Variants in ARTN observed in about 807,000 individuals in gnomAD.
ARTN encodes neublastin.
A neutral mutation model predicts 15.4 loss-of-function variants in ARTN; 9 were observed. The ratio of observed to expected loss-of-function variants is 0.58; its 90% CI spans 0.35 to 1.02. The LOEUF (loss-of-function observed/expected upper bound fraction) is 1.02, where lower values mean the gene tolerates loss of function less well. Ranked by LOEUF, ARTN falls within the 50% of genes least tolerant of loss-of-function variation. The pLI, the probability that ARTN is intolerant of heterozygous loss-of-function variation, is 0.02. For synonymous variants in ARTN, 163 were observed against 155.8 expected (o/e 1.05, Z -0.35); for missense variants, 284 against 327.9 (o/e 0.87, Z 1.03).
At chr1:43,935,460 A>C (rs2085080037) in intron 2 of ARTN, 130 bp from the exon 3 acceptor site, 3 of 598,360 alleles carry the variant, frequency 5.0e-6, no homozygotes, top group South Asian at 4.2e-5. Flanking sequence ...CCTAACACAT[A>C]GTAAGGTTCC....
rs751882712 is a variant in ARTN, at chr1:43,935,687, C to A, written c.31C>A (p.Leu11Met). ...ACTTGGACTTGGAGGCCTCTCCACG[C>A]TGTCCCACTGCCCCTGGCCTAGGCA... MELGLGGLST[L>M]SHCPWPRQQP... Residue 11 changes from leucine (L) to methionine (M), a missense_variant, in exon 3 of 5, where the codon CTG becomes ATG. Physicochemically the swap from Leu to Met is conservative, Grantham distance 15. Coordinates refer to ENST00000372359, the MANE Select transcript of ARTN (RefSeq NM_057091.3). 6.2e-7 allele frequency: 1 copy of A among 1,613,544 alleles called. No homozygotes were observed. The highest frequency in any genetic ancestry group is 1.7e-5 in the Admixed American group (1 of 59,946).
chr1:43,935,547 G>A (rs2085080803), intron 2 of ARTN, 43 bp from the exon 3 acceptor site: 1 of 1,169,562 alleles, frequency 8.6e-7, no homozygotes, highest in African/African-American at 1.5e-5. Context: ...TGGGGTGGCA[G>A]GCCGGTCCCC....
chr1:43,936,414 C>T lies in ARTN; in HGVS notation c.312C>T (p.Arg104=). 2 of 1,165,010 alleles carry T rather than the reference C, an allele frequency of 1.7e-6. No individual in the cohort carries two copies. Among genetic ancestry groups the T allele is most frequent in the Non-Finnish European group, 2.1e-6 (2 of 945,838 alleles). The allele number at this position is 1,165,010 out of a possible 1,614,324, so 72.2% of individuals were successfully genotyped here. ...CATCTGCTCTTCCCCGCGGGGGCCG[C>T]GCGGCGCGGGCTGGGGGCCCGGGCA... is the stretch of plus-strand genomic sequence containing the variant. The part of the protein sequence containing the change: ...APPSALPRGG[R]AARAGGPGSR... Residue 104 remains arginine, a synonymous_variant, in exon 5 of 5, where the codon CGC becomes CGT. Transcript: ENST00000372359. The surrounding 1 kb of genome is among the most constrained non-coding windows in gnomAD (Gnocchi z 6.6).
At position 43,936,063 on chromosome 1, in the gene ARTN, CCT is replaced by C. The variant is rs1391065860; in HGVS notation, c.61-29_61-28del. 1.2e-6 allele frequency: 2 copies of C among 1,613,414 alleles called. No homozygotes were observed. The highest frequency in any genetic ancestry group is 2.2e-5 in the East Asian group (1 of 44,890). On this transcript the variant is annotated intron_variant, in intron 3 of 4. Transcript: ENST00000372359. The surrounding 1 kb of genome is among the most constrained non-coding windows in gnomAD (Gnocchi z 6.6). ...AGCCCACCTGGGTGCCCTCTTTCTC[CCT>C]GAGGCTCCACTTGGTCTCTCCGCGC... is the stretch of plus-strand genomic sequence containing the variant.
rs2085081113 is a variant in ARTN, at chr1:43,935,568, A to G, written c.-67-22A>G. 5.1e-6 allele frequency: 7 copies of G among 1,367,958 alleles called. No individual in the cohort carries two copies. In the Admixed American group the frequency reaches 1.5e-4, roughly 29 times the overall value. 84.7% of individuals were successfully genotyped at this position (1,367,958 alleles called of 1,614,324 possible). A position where few individuals can be genotyped will look rare whatever the true frequency, so the allele number is the denominator to read the frequency against. ...GGCAGGCCGGTCCCCCACAAAAGAT[A>G]ACTCATCTCTTAATTTGCAAGCTGC... On this transcript the variant is annotated intron_variant, in intron 2 of 4. Transcript: ENST00000372359.
In ARTN at chr1:43,936,317, G is replaced by A. The variant is rs748783168; in HGVS notation, c.215G>A (p.Arg72His). The change falls in exon 5 of 5, where the codon CGC (arginine) becomes CAC (histidine). Residue 72 changes from arginine to histidine, a missense_variant. By Grantham distance (29) the Arg-to-His change is conservative (BLOSUM62 0). Coordinates refer to ENST00000372359, the MANE Select transcript of ARTN (RefSeq NM_057091.3). The surrounding 1 kb of genome is among the most constrained non-coding windows in gnomAD (Gnocchi z 6.6). ...AGHLPGGRTA[R>H]WCSGRARRPP... The stretch of plus-strand genomic sequence containing the variant: ...CTCATTCCAGGGGGACGCACGGCCC[G>A]CTGGTGCAGTGGAAGAGCCCGGCGG... The A allele has an allele frequency of 7.0e-4, 958 of 1,359,574 alleles. No homozygotes were observed. The highest frequency in any genetic ancestry group is 1.6e-3 in the Admixed American group (41 of 25,608). 84.2% of individuals were successfully genotyped at this position (1,359,574 alleles called of 1,614,324 possible). A position where few individuals can be genotyped will look rare whatever the true frequency, so the allele number is the denominator to read the frequency against.
At chr1:43,935,984 G>A (rs2154301654) in intron 3 of ARTN, 109 bp from the exon 4 acceptor site, 1 of 1,475,032 alleles carries the variant, frequency 6.8e-7, no homozygotes, top group East Asian at 2.3e-5. Flanking sequence ...AGGAGCCCAT[G>A]CCCGGCCTGA....
At chr1:43,933,980 T>G (rs995761990) in intron 1 of ARTN, 95 bp downstream of exon 1, 1 of 152,572 alleles carries the variant, frequency 6.6e-6, no homozygotes, top group East Asian at 1.9e-4. Context: ...CTCTCCTTTC[T>G]TGCATCCTCC....
Sources: allele counts gnomAD v4.1 joint callset, GRCh38; gene constraint gnomAD v4.1.1; non-coding constraint Gnocchi (gnomAD v3.1); transcripts MANE v1.5; gene names NCBI Gene and HGNC (gene_info 2026-07-23, HGNC 2026-07-21).